Variants in ADAMTSL1 observed in about 807,000 individuals in gnomAD.
ADAMTSL1 encodes the protein ADAMTS-like protein 1.
A neutral mutation model predicts 201.8 loss-of-function variants in ADAMTSL1; 126 were observed. That is an observed-to-expected ratio of 0.62 (90% CI 0.54 to 0.72). The LOEUF (loss-of-function observed/expected upper bound fraction) is 0.72, where lower values mean the gene tolerates loss of function less well. ADAMTSL1 is among the 30% of genes least tolerant of loss of function. The pLI is 0.00. For missense variants in ADAMTSL1, 2,679 were observed against 2,277.8 expected, an observed-to-expected ratio of 1.18 and a Z score of -3.59; for synonymous variants, 1,121 against 903.4, an observed-to-expected ratio of 1.24 and a Z score of -4.32.
At chr9:18,722,987 C>T (rs916878501) in intron 15 of ADAMTSL1, 1 of 775,466 alleles carries the variant, frequency 1.3e-6, no homozygotes, top group Non-Finnish European at 2.4e-6. Flanking sequence ...ACCAACTTTT[C>T]TATTTGACTA....
At chr9:18,119,955 A>G (rs1031814763) in intron 1 of ADAMTSL1, among the ~76,000 whole-genome samples, 1 of 152,212 alleles carries the variant, frequency 6.6e-6, no homozygotes, top group African/African-American at 2.4e-5. Flanking sequence ...CTATGAATTC[A>G]TTATATATAG....
At chr9:18,347,074 C>G (rs183911109) in intron 2 of ADAMTSL1, among the ~76,000 whole-genome samples, 1 of 152,262 alleles carries the variant, frequency 6.6e-6, no homozygotes, top group African/African-American at 2.4e-5. Context: ...TTCCTCCAAG[C>G]TTTGCAGAGG....
intron 1 of ADAMTSL1, among the ~76,000 whole-genome samples, chr9:18,017,050 G>T (rs1467131764): frequency 6.6e-6 from 1 of 151,986 alleles, no homozygotes; most frequent in Admixed American, 6.6e-5. Flanking sequence ...CTGAGCACAG[G>T]CATGGACTCA....
intron 1 of ADAMTSL1, among the ~76,000 whole-genome samples, chr9:17,946,324 A>T (rs1563912709): frequency 6.6e-6 from 1 of 152,094 alleles, no homozygotes; most frequent in Admixed American, 6.6e-5. Flanking sequence ...GAAAGAAAAC[A>T]TATTTCGTCA....
intron 2 of ADAMTSL1, among the ~76,000 whole-genome samples, chr9:18,377,284 G>A (rs767094556): frequency 2.0e-5 from 3 of 152,206 alleles, no homozygotes; most frequent in Non-Finnish European, 4.4e-5. Flanking sequence ...AGTTTGTTAT[G>A]AGAACTGCGT....
chr9:18,677,801 C>T (rs1363948826), intron 10 of ADAMTSL1, among the ~76,000 whole-genome samples: 1 of 151,830 alleles, frequency 6.6e-6, no homozygotes, highest in Non-Finnish European at 1.5e-5. Flanking sequence ...TGGGAAAGAA[C>T]AATAAATTTT....
At chr9:18,661,358 GAT>G (rs1829081103) in intron 8 of ADAMTSL1, among the ~76,000 whole-genome samples, 1 of 152,128 alleles carries the variant, frequency 6.6e-6, no homozygotes, top group Admixed American at 6.5e-5. Context: ...CAGGATTCGT[GAT>G]GTCTACTGTT....
intron 16 of ADAMTSL1, among the ~76,000 whole-genome samples, chr9:18,756,422 G>A (rs577708197): frequency 4.6e-5 from 7 of 151,566 alleles, no homozygotes; most frequent in Non-Finnish European, 8.8e-5. Flanking sequence ...ATTAGCTATT[G>A]CTGACTGCTT....
chr9:17,944,140 C>T (rs376460226), intron 1 of ADAMTSL1, among the ~76,000 whole-genome samples: 5 of 151,710 alleles, frequency 3.3e-5, no homozygotes, highest in African/African-American at 1.2e-4. Flanking sequence ...ATATCAGTAT[C>T]CTTTAGAAAA....
rs560497957 is a variant in ADAMTSL1, at chr9:18,413,250, C to T, written c.208-91579C>T. 8.1e-5 allele frequency among the ~76,000 whole-genome samples: 12 copies of T among 147,760 alleles called. No individual in the cohort carries two copies. In the South Asian group the frequency reaches 2.5e-3, roughly 31 times the overall value. ...TGCAATCTTGGCTTGCTGCAACCTTCGCCTCCTAGGTTCAAATGATTCTCC... is the reference window on the plus strand; with the variant it reads ...TGCAATCTTGGCTTGCTGCAACCTTTGCCTCCTAGGTTCAAATGATTCTCC... On this transcript the variant is annotated intron_variant, in intron 2 of 29. Coordinates refer to the ADAMTSL1 transcript ENST00000680146.
chr9:18,169,953 A>C (rs1029929339), intron 2 of ADAMTSL1, among the ~76,000 whole-genome samples: 1 of 152,090 alleles, frequency 6.6e-6, no homozygotes, highest in African/African-American at 2.4e-5. Flanking sequence ...GTTGGCTACC[A>C]AAATTCTACC....
At chr9:18,362,585 T>C (rs1197761159) in intron 2 of ADAMTSL1, among the ~76,000 whole-genome samples, 1 of 152,222 alleles carries the variant, frequency 6.6e-6, no homozygotes, top group East Asian at 1.9e-4. Flanking sequence ...AGATGAAATG[T>C]ATAGATTCCA....
intron 23 of ADAMTSL1, among the ~76,000 whole-genome samples, chr9:18,838,735 T>G (rs1054773636): frequency 7.9e-5 from 12 of 151,668 alleles, no homozygotes; most frequent in Non-Finnish European, 1.3e-4. Flanking sequence ...GAGGCTGAGG[T>G]GTAGTCCTAG....
chr9:18,712,689 A>G (rs1264556096), intron 14 of ADAMTSL1, among the ~76,000 whole-genome samples: 1 of 151,766 alleles, frequency 6.6e-6, no homozygotes, highest in East Asian at 1.9e-4. Context: ...GATATTATCC[A>G]GGAGAACTTC....
At chr9:18,463,357 C>T (rs1820880322) in intron 2 of ADAMTSL1, among the ~76,000 whole-genome samples, 1 of 151,890 alleles carries the variant, frequency 6.6e-6, no homozygotes. Context: ...TCTTTTTTCT[C>T]TTCTTTAAAA....
At chr9:18,278,206 A>G (rs936856165) in intron 2 of ADAMTSL1, among the ~76,000 whole-genome samples, 3 of 152,212 alleles carry the variant, frequency 2.0e-5, no homozygotes, top group Non-Finnish European at 4.4e-5. Flanking sequence ...CCATTATGGT[A>G]TTAAAGTATT....
chr9:18,003,512 G>T (rs1563943836), intron 1 of ADAMTSL1, among the ~76,000 whole-genome samples: 1 of 152,046 alleles, frequency 6.6e-6, no homozygotes, highest in African/African-American at 2.4e-5. Context: ...CCATCGGCAT[G>T]ACCTGTTGTT....
chr9:17,918,330 C>A (rs1003029477), intron 1 of ADAMTSL1, among the ~76,000 whole-genome samples: 3 of 91,770 alleles, frequency 3.3e-5, no homozygotes, highest in African/African-American at 1.4e-4. Flanking sequence ...TCATAAATTT[C>A]TATATGTATT....
chr9:18,533,463 T>C (rs114057022), intron 3 of ADAMTSL1, among the ~76,000 whole-genome samples, 171 bp downstream of exon 3: 2,342 of 152,280 alleles, frequency 0.015, 44 homozygotes, highest in African/African-American at 0.048. Flanking sequence ...AAGTTCCTCA[T>C]TATAGACTTT....
Sources: allele counts gnomAD v4.1 joint callset (sites outside exome capture counted in the v4.1 genomes callset), GRCh38; gene constraint gnomAD v4.1.1; transcripts MANE v1.5; gene names NCBI Gene and HGNC (gene_info 2026-07-23, HGNC 2026-07-21).